Variants in CSMD3 observed in about 807,000 individuals in gnomAD.
The protein encoded by CSMD3 is CUB and sushi domain-containing protein 3.
Under a neutral mutation model 435.2 loss-of-function variants are expected in CSMD3, and 177 were observed. The ratio of observed to expected loss-of-function variants is 0.41; its 90% CI spans 0.36 to 0.46. The LOEUF (loss-of-function observed/expected upper bound fraction) is 0.46, where lower values mean the gene tolerates loss of function less well. Ranked by LOEUF, CSMD3 falls within the 20% of genes least tolerant of loss-of-function variation. The pLI is 0.34. For missense variants in CSMD3, 4,265 were observed against 4,504.6 expected (o/e 0.95, Z 1.52); for synonymous variants, 1,656 against 1,520.5 (o/e 1.09, Z -2.07).
intron 50 of CSMD3, among the ~76,000 whole-genome samples, chr8:112,308,676 G>A (rs1031546113): frequency 6.6e-6 from 1 of 151,982 alleles, no homozygotes; most frequent in African/African-American, 2.4e-5. Flanking sequence ...TTATATTCAT[G>A]AGGATTGTTC....
At chr8:113,343,624 G>C (rs2094134093) in intron 1 of CSMD3, among the ~76,000 whole-genome samples, 1 of 152,096 alleles carries the variant, frequency 6.6e-6, no homozygotes, top group African/African-American at 2.4e-5. Flanking sequence ...AGAAAGGTCA[G>C]AATGATAAGC....
chr8:112,652,318 C>T (rs1418837010), intron 18 of CSMD3, among the ~76,000 whole-genome samples: 1 of 152,056 alleles, frequency 6.6e-6, no homozygotes, highest in Non-Finnish European at 1.5e-5. Context: ...GTTTAGACCC[C>T]CTTCCTTCAG....
At chr8:112,821,027 C>T (rs889707493) in intron 12 of CSMD3, among the ~76,000 whole-genome samples, 5 of 152,064 alleles carry the variant, frequency 3.3e-5, no homozygotes, top group Non-Finnish European at 7.3e-5. Flanking sequence ...TGTATATGTA[C>T]CATATTTTCT....
At chr8:113,101,736 C>T (rs913281487) in intron 4 of CSMD3, among the ~76,000 whole-genome samples, 1 of 151,956 alleles carries the variant, frequency 6.6e-6, no homozygotes, top group African/African-American at 2.4e-5. Flanking sequence ...ATGTTCATGT[C>T]GACTCTTGTA....
intron 27 of CSMD3, among the ~76,000 whole-genome samples, chr8:112,541,305 G>C (rs1458708158): frequency 6.6e-6 from 1 of 151,586 alleles, no homozygotes; most frequent in Non-Finnish European, 1.5e-5. Flanking sequence ...ATAGAAAATA[G>C]AAAAACAATT....
rs542227456 is a variant in CSMD3, at chr8:112,621,662, T to A, written c.3715+15155A>T. ...TTCCTATTTAGCCTCTAGGACACCA[T>A]TTTTTTACTTGTTTTTCTCATATTT... On this transcript the variant is annotated intron_variant, in intron 22 of 70. Coordinates refer to ENST00000297405, the MANE Select transcript of CSMD3 (RefSeq NM_198123.2). Among the ~76,000 whole-genome samples the A allele has an allele frequency of 3.9e-5, 6 of 152,204 alleles. No individual in the cohort carries two copies. In the South Asian group the frequency reaches 1.2e-3, roughly 32 times the overall value.
Position 112,341,459 on chromosome 8 carries a change from T to C in CSMD3, c.6652+18A>G. The C allele has an allele frequency of 6.6e-7, 1 of 1,517,890 alleles. No homozygotes were observed. The highest frequency in any genetic ancestry group is 9.1e-7 in the Non-Finnish European group (1 of 1,093,074). 94.0% of individuals were successfully genotyped at this position (1,517,890 alleles called of 1,614,324 possible). ...ATTTGGGGTTATATAAATTTTCATTTTTTATTATTTCTCTTACCTTGGTAT... is the reference window on the plus strand; with the variant it reads ...ATTTGGGGTTATATAAATTTTCATTCTTTATTATTTCTCTTACCTTGGTAT... On this transcript the variant is annotated intron_variant, in intron 42 of 70. Transcript: ENST00000297405.
At chr8:112,853,692 T>G (rs957934711) in intron 11 of CSMD3, among the ~76,000 whole-genome samples, 1 of 152,238 alleles carries the variant, frequency 6.6e-6, no homozygotes, top group Non-Finnish European at 1.5e-5. Context: ...ATATCCAATC[T>G]AACAGGTATT....
intron 56 of CSMD3, among the ~76,000 whole-genome samples, chr8:112,290,002 T>C (rs1819606517): frequency 1.3e-5 from 2 of 151,990 alleles, no homozygotes; most frequent in South Asian, 2.1e-4. Context: ...AACTTGAGGG[T>C]TCAAGAGATT....
intron 1 of CSMD3, among the ~76,000 whole-genome samples, chr8:113,378,311 A>G (rs2094398496): frequency 6.6e-6 from 1 of 152,198 alleles, no homozygotes; most frequent in Non-Finnish European, 1.5e-5. Context: ...CCTCAGTGTC[A>G]GTCCTGTGCC....
At chr8:112,814,061 C>T (rs1030546206) in intron 12 of CSMD3, among the ~76,000 whole-genome samples, 1 of 152,174 alleles carries the variant, frequency 6.6e-6, no homozygotes, top group Non-Finnish European at 1.5e-5. Context: ...ACTGTGAGCA[C>T]AAGGAGAATC....
intron 22 of CSMD3, among the ~76,000 whole-genome samples, chr8:112,634,715 T>C (rs2074608016): frequency 6.6e-6 from 1 of 152,034 alleles, no homozygotes; most frequent in African/African-American, 2.4e-5. Context: ...ATATCATAAA[T>C]ATAAACTAAA....
At chr8:112,728,310 T>C (rs1310763643) in intron 13 of CSMD3, among the ~76,000 whole-genome samples, 1 of 151,788 alleles carries the variant, frequency 6.6e-6, no homozygotes, top group Non-Finnish European at 1.5e-5. Flanking sequence ...AAAAAAAATA[T>C]GAGTTAGATG....
intron 3 of CSMD3, among the ~76,000 whole-genome samples, chr8:113,245,897 T>C (rs192983126): frequency 6.6e-6 from 1 of 152,170 alleles, no homozygotes. Context: ...TTTGCTACTA[T>C]AAATTCTTGG....
intron 9 of CSMD3, among the ~76,000 whole-genome samples, chr8:112,924,265 C>T (rs1441635868): frequency 2.0e-5 from 3 of 152,158 alleles, no homozygotes; most frequent in East Asian, 3.9e-4. Flanking sequence ...CAAGCTGTCA[C>T]GGAAATCCGA....
At chr8:112,513,029 C>T (rs558621911) in intron 28 of CSMD3, among the ~76,000 whole-genome samples, 1 of 152,294 alleles carries the variant, frequency 6.6e-6, no homozygotes, top group East Asian at 1.9e-4. Context: ...GAGTTAGGGC[C>T]TTCCTTTGGA....
intron 12 of CSMD3, among the ~76,000 whole-genome samples, chr8:112,804,681 TTTGAGA>T (rs2079040181): frequency 6.7e-6 from 1 of 148,232 alleles, no homozygotes; most frequent in East Asian, 2.0e-4. Flanking sequence ...TTTTATTTTT[TTTGAGA>T]TGAAGTCTCG....
At chr8:113,307,116 T>A (rs957879310) in intron 2 of CSMD3, among the ~76,000 whole-genome samples, 1 of 151,898 alleles carries the variant, frequency 6.6e-6, no homozygotes, top group Non-Finnish European at 1.5e-5. Context: ...AGTCACAAAG[T>A]AAAAATCCAA....
At chr8:113,107,129 T>C (rs1370368315) in intron 4 of CSMD3, among the ~76,000 whole-genome samples, 1 of 152,206 alleles carries the variant, frequency 6.6e-6, no homozygotes, top group African/African-American at 2.4e-5. Context: ...GCCAAAGCTA[T>C]GCCATTAAAA....
Sources: allele counts gnomAD v4.1 joint callset (sites outside exome capture counted in the v4.1 genomes callset), GRCh38; gene constraint gnomAD v4.1.1; transcripts MANE v1.5; gene names NCBI Gene and HGNC (gene_info 2026-07-23, HGNC 2026-07-21).